ASXL2: variants seen among roughly 807,000 people sequenced by gnomAD.
ASXL2 encodes the protein putative Polycomb group protein ASXL2.
Under a neutral mutation model 122.0 loss-of-function variants are expected in ASXL2, and 23 were observed. The ratio of observed to expected loss-of-function variants is 0.19; its 90% CI spans 0.14 to 0.27. ASXL2 has a LOEUF of 0.27. Ranked by LOEUF, ASXL2 falls within the 10% of genes least tolerant of loss-of-function variation. The probability of loss-of-function intolerance (pLI) is 1.00; values close to 1 mark genes in which losing one functional copy is unlikely to be tolerated. For synonymous variants in ASXL2, 650 were observed against 637.0 expected, an observed-to-expected ratio of 1.02 and a Z score of -0.31; for missense variants, 1,518 against 1,713.8, an observed-to-expected ratio of 0.89 and a Z score of 2.02.
intron 3 of ASXL2, among the ~76,000 whole-genome samples, chr2:25,807,620 G>A (rs1296860759): frequency 6.6e-6 from 1 of 151,972 alleles, no homozygotes; most frequent in Non-Finnish European, 1.5e-5. Flanking sequence ...GAAAAAAAAT[G>A]ATGGGAGACT....
intron 5 of ASXL2, among the ~76,000 whole-genome samples, chr2:25,790,969 GT>G (rs1324664894): frequency 6.6e-6 from 1 of 151,408 alleles, no homozygotes; most frequent in Non-Finnish European, 1.5e-5. Flanking sequence ...AAAACCAGCT[GT>G]TTTTTATTTA....
In ASXL2 at chr2:25,742,418, G is replaced by C; in HGVS notation, c.3919C>G (p.Leu1307Val). 6.4e-7 allele frequency: 1 copy of C among 1,567,662 alleles called. No homozygotes were observed. The highest frequency in any genetic ancestry group is 8.7e-7 in the Non-Finnish European group (1 of 1,143,734). The change falls in exon 13 of 13, where the codon CTC (leucine) becomes GTC (valine). Residue 1307 changes from leucine (L) to valine (V), a missense_variant. This residue lies in a region of ASXL2 where 831 missense variants were observed against 833.1 expected (regional missense o/e 1.00). Transcript: ENST00000435504. Reference protein sequence around the residue: ...PADSPTHQPLLLPPLQTPKLY... With the variant: ...PADSPTHQPLVLPPLQTPKLY... The stretch of plus-strand genomic sequence containing the variant: ...TTCGGGGTTTGCAGGGGTGGAAGGA[G>C]TAGGGGCTGGTGGGTGGGGCTGTCT...
intron 3 of ASXL2, among the ~76,000 whole-genome samples, chr2:25,827,144 T>C (rs924209952): frequency 6.6e-6 from 1 of 152,102 alleles, no homozygotes; most frequent in Non-Finnish European, 1.5e-5. Context: ...AAGTCAATTT[T>C]AAATATAAAG....
chr2:25,794,913 T>C (rs1206586523), intron 5 of ASXL2, among the ~76,000 whole-genome samples: 1 of 152,238 alleles, frequency 6.6e-6, no homozygotes, highest in Admixed American at 6.5e-5. Flanking sequence ...GCTGGCTACA[T>C]GTCTGTCACT....
intron 5 of ASXL2, among the ~76,000 whole-genome samples, chr2:25,779,805 T>G (rs1326236910): frequency 2.7e-5 from 4 of 145,996 alleles, no homozygotes; most frequent in African/African-American, 8.4e-5. Context: ...AGGTTCTTGT[T>G]TGTCCTTTCA....
At chr2:25,798,270 T>C (rs1044890477) in intron 5 of ASXL2, among the ~76,000 whole-genome samples, 2 of 152,110 alleles carry the variant, frequency 1.3e-5, no homozygotes, top group Non-Finnish European at 2.9e-5. Flanking sequence ...CAAACACCCA[T>C]GGCACAAGTT....
intron 3 of ASXL2, among the ~76,000 whole-genome samples, chr2:25,827,550 A>C (rs1205998741): frequency 6.6e-6 from 1 of 152,344 alleles, no homozygotes; most frequent in Non-Finnish European, 1.5e-5. Context: ...ATTCGGATTA[A>C]CAACTAATCT....
rs768383410 is a variant in ASXL2, at chr2:25,744,271, G to T, written c.2066C>A (p.Thr689Asn). The T allele has an allele frequency of 6.2e-7, 1 of 1,613,888 alleles. No homozygotes were observed. ...ACCCCCTGGGCCAGGTCCTGGAATG[G>T]TCCCTCCAACTGAGGCGGCTGCAGC... Reference protein sequence around the residue: ...AAAAAASVGGTIPGPGPGGGQ... With the variant: ...AAAAAASVGGNIPGPGPGGGQ... Residue 689 changes from threonine to asparagine, a missense_variant, in exon 13 of 13, where the codon ACC becomes AAC. This residue lies in a region of ASXL2 where 48 missense variants were observed against 82.1 expected (regional missense o/e 0.58). Coordinates refer to ENST00000435504, the MANE Select transcript of ASXL2 (RefSeq NM_018263.6). The surrounding 1 kb of genome is among the most constrained non-coding windows in gnomAD (Gnocchi z 4.7).
chr2:25,842,131 A>G lies in ASXL2; in HGVS notation c.140+3350T>C, dbSNP rs190836474. Among the ~76,000 whole-genome samples the G allele has an allele frequency of 4.0e-3, 603 of 151,960 alleles. 5 individuals carry two copies. The highest frequency in any genetic ancestry group is 0.013 in the African/African-American group (556 of 41,438). On this transcript the variant is annotated intron_variant, in intron 2 of 12. Coordinates refer to ENST00000435504, the MANE Select transcript of ASXL2 (RefSeq NM_018263.6). ...CTGTCTCAAAAAAAAAAGAAAAAAA[A>G]AAAAGAAAAGAACACAGAACACTAC...
At position 25,848,659 on chromosome 2, in the gene ASXL2, T is replaced by C. The variant is rs534451010; in HGVS notation, c.58-3096A>G. On this transcript the variant is annotated intron_variant, in intron 1 of 12. Transcript: ENST00000435504. Reference sequence around the variant, plus strand: ...AAACAAATAAATAAATAAATAGAAGTGGAGACCAAAAATTATGTCTTTTTA... The same window carrying C: ...AAACAAATAAATAAATAAATAGAAGCGGAGACCAAAAATTATGTCTTTTTA... Among the ~76,000 whole-genome samples, 152 of 151,944 alleles carry C rather than the reference T, an allele frequency of 1.0e-3. 2 individuals are homozygous for C. The highest frequency in any genetic ancestry group is 3.3e-3 in the South Asian group (16 of 4,810).
chr2:25,744,149 C>T lies in ASXL2; in HGVS notation c.2188G>A (p.Glu730Lys). The T allele has an allele frequency of 6.2e-7, 1 of 1,613,986 alleles. No homozygotes were observed. Among genetic ancestry groups the T allele is most frequent in the Non-Finnish European group, 8.5e-7 (1 of 1,179,892 alleles). Residue 730 changes from glutamate (E) to lysine (K), a missense_variant, in exon 13 of 13, where the codon GAA (glutamate) becomes AAA (lysine). Glu to Lys is a moderately conservative substitution (Grantham distance 56). Coordinates refer to ENST00000435504, the MANE Select transcript of ASXL2 (RefSeq NM_018263.6). The surrounding 1 kb of genome is among the most constrained non-coding windows in gnomAD (Gnocchi z 4.7). The stretch of plus-strand genomic sequence containing the variant: ...CCCCTGCTTCCAGTTCCTGCCAGTT[C>T]CAGTGTGGGGCCCTTTCCAGTTTCA... ...VSETGKGPTLELAGTGSRGGT... is the reference protein window; with the variant it reads ...VSETGKGPTLKLAGTGSRGGT...
rs372563769 is a variant in ASXL2, at chr2:25,878,270, G to A, written c.-48C>T. 2.5e-6 allele frequency: 4 copies of A among 1,592,552 alleles called. No individual in the cohort carries two copies. The highest frequency in any genetic ancestry group is 2.2e-5 in the East Asian group (1 of 44,608). On this transcript the variant is annotated 5_prime_UTR_variant, in exon 1 of 13. Coordinates refer to ENST00000435504, the MANE Select transcript of ASXL2 (RefSeq NM_018263.6). ...AGGCTCCCGTGTCCGGGCTCCGGCC[G>A]CCCTCCCTGCCTGCTCTGCCCTGCG...
intron 4 of ASXL2, among the ~76,000 whole-genome samples, chr2:25,804,887 T>C (rs141910943): frequency 0.02 from 2,991 of 152,050 alleles, 108 homozygotes; most frequent in African/African-American, 0.065. Flanking sequence ...CCATCTCTAC[T>C]AAAAATACAA....
chr2:25,808,910 G>A (rs1369469410), intron 3 of ASXL2, among the ~76,000 whole-genome samples: 1 of 152,018 alleles, frequency 6.6e-6, no homozygotes, highest in African/African-American at 2.4e-5. Context: ...TAAAAGATCA[G>A]CAAACTGCCA....
In ASXL2 at chr2:25,878,139, C is replaced by G. The variant is rs368058989; in HGVS notation, c.57+27G>C. The G allele has an allele frequency of 8.1e-6, 13 of 1,613,214 alleles. No individual in the cohort carries two copies. The Admixed American group carries it at 1.8e-4, about 23-fold the overall frequency. On this transcript the variant is annotated intron_variant, in intron 1 of 12. Coordinates refer to ENST00000435504, the MANE Select transcript of ASXL2 (RefSeq NM_018263.6). ...CGACAAGGGAACAAAATCCTCCCGG[C>G]CTTCCCCTTCGCTCCCTCCCCCTTA...
intron 4 of ASXL2, among the ~76,000 whole-genome samples, chr2:25,803,820 G>A (rs2089035094): frequency 6.6e-6 from 1 of 152,176 alleles, no homozygotes; most frequent in Non-Finnish European, 1.5e-5. Flanking sequence ...ACCTCCAGCT[G>A]TGCAGCCGGG....
At position 25,744,501 on chromosome 2, in the gene ASXL2, A is replaced by C. The variant is rs772992733; in HGVS notation, c.1861-25T>G. On this transcript the variant is annotated intron_variant, in intron 12 of 12. Coordinates refer to ENST00000435504, the MANE Select transcript of ASXL2 (RefSeq NM_018263.6). This position sits in a 1 kb window ranked among gnomAD's most constrained non-coding sequence, Gnocchi z 4.7. ...TCTGAAAGAAGTAGAGGGGAAAAAAACAACAGAGCTTAGTTTTCATTTGTA... is the reference window on the plus strand; with the variant it reads ...TCTGAAAGAAGTAGAGGGGAAAAAACCAACAGAGCTTAGTTTTCATTTGTA... 3 of 1,562,786 alleles carry C rather than the reference A, an allele frequency of 1.9e-6. No individual in the cohort carries two copies. The highest frequency in any genetic ancestry group is 2.6e-6 in the Non-Finnish European group (3 of 1,164,968).
intron 1 of ASXL2, among the ~76,000 whole-genome samples, chr2:25,877,856 T>G (rs571073124): frequency 3.3e-4 from 51 of 152,298 alleles, no homozygotes; most frequent in African/African-American, 1.2e-3. Context: ...CACCACAGAC[T>G]TCCCCGTGCC....
intron 5 of ASXL2, among the ~76,000 whole-genome samples, chr2:25,785,693 CCCA>C (rs1331595149): frequency 1.3e-5 from 2 of 151,886 alleles, no homozygotes; most frequent in Non-Finnish European, 2.9e-5. Context: ...ATTACAGGTG[CCCA>C]CCACCACGCC....
Sources: gnomAD v4.1 joint callset for allele counts (sites outside exome capture counted in the v4.1 genomes callset) on GRCh38, gnomAD v4.1.1 for gene constraint, gnomAD v4.1.1 regional missense constraint, Gnocchi (gnomAD v3.1) non-coding constraint, MANE v1.5 for transcripts, NCBI Gene and HGNC (gene_info 2026-07-23, HGNC 2026-07-21) for gene names.